The following ZC3H7A variants were observed in gnomAD, a reference collection of about 807,000 sequenced individuals.
ZC3H7A encodes zinc finger CCCH-type containing 7A, also known as zinc finger CCCH domain-containing protein 7A.
Under a neutral mutation model 125.5 loss-of-function variants are expected in ZC3H7A, and 44 were observed. The observed-to-expected ratio is 0.35, with a 90% CI of 0.28 to 0.45. ZC3H7A has a LOEUF of 0.45. ZC3H7A is among the 20% of genes least tolerant of loss of function. The pLI, the probability that ZC3H7A is intolerant of heterozygous loss-of-function variation, is 1.00. For synonymous variants in ZC3H7A, 399 were observed against 391.2 expected, an observed-to-expected ratio of 1.02 and a Z score of -0.23; for missense variants, 977 against 1,170.7, an observed-to-expected ratio of 0.83 and a Z score of 2.41.
chr16:11,766,079 C>T (rs544388720), intron 13 of ZC3H7A, among the ~76,000 whole-genome samples: 1 of 151,220 alleles, frequency 6.6e-6, no homozygotes, highest in South Asian at 2.1e-4. Flanking sequence ...TTGATTCTCT[C>T]ATGGACCACA....
rs112136911 is a variant in ZC3H7A, at chr16:11,768,145, T to C, written c.1360+170A>G. Among the ~76,000 whole-genome samples the C allele has an allele frequency of 2.6e-3, 392 of 152,338 alleles. 1 individual carries two copies. Among genetic ancestry groups the C allele is most frequent in the African/African-American group, 9.0e-3 (374 of 41,578 alleles). ...ATAAGAGCAGAGCCTTATCCTATTATACTCCAAAGGCACTAAATCAGTAAC... is the reference window on the plus strand; with the variant it reads ...ATAAGAGCAGAGCCTTATCCTATTACACTCCAAAGGCACTAAATCAGTAAC... On this transcript the variant is annotated intron_variant, in intron 12 of 22. Coordinates refer to ENST00000355758, the MANE Select transcript of ZC3H7A (RefSeq NM_014153.4).
At position 11,752,874 on chromosome 16, in the gene ZC3H7A, G is replaced by A. The variant is rs376449815; in HGVS notation, c.2563-42C>T. The stretch of plus-strand genomic sequence containing the variant: ...ACACATGTCCCATTAGTCACCTGAT[G>A]TGAGATCCAGACTCAATTCCAGGGA... On this transcript the variant is annotated intron_variant, in intron 21 of 22. Transcript: ENST00000355758. The A allele has an allele frequency of 2.2e-4, 349 of 1,589,512 alleles. 1 individual carries two copies. Among genetic ancestry groups the A allele is most frequent in the Non-Finnish European group, 2.9e-4 (343 of 1,169,506 alleles).
chr16:11,773,137 G>A lies in ZC3H7A; in HGVS notation c.903+1099C>T, dbSNP rs571191936. On this transcript the variant is annotated intron_variant, in intron 9 of 22. Coordinates refer to ENST00000355758, the MANE Select transcript of ZC3H7A (RefSeq NM_014153.4). ...AATGAATAGTCACTGATGTGTTCCAGTAAAACTTTACTTACGGACCCAGAA... is the reference window on the plus strand; with the variant it reads ...AATGAATAGTCACTGATGTGTTCCAATAAAACTTTACTTACGGACCCAGAA... Among the ~76,000 whole-genome samples the A allele has an allele frequency of 1.3e-3, 204 of 152,104 alleles. 2 individuals carry two copies. The highest frequency in any genetic ancestry group is 2.1e-3 in the Non-Finnish European group (142 of 68,032).
chr16:11,760,122 GAAAAAAAAAAAAA>G (rs66812605), intron 19 of ZC3H7A, among the ~76,000 whole-genome samples: 2 of 82,532 alleles, frequency 2.4e-5, no homozygotes, highest in African/African-American at 1.1e-4. Flanking sequence ...AAGAAAAAAT[GAAAAAAAAAAAAA>G]AAAAAAAAAA....
At chr16:11,782,425 C>G (rs1282077365) in intron 1 of ZC3H7A, 37 bp from the exon 2 acceptor site, 20 of 1,577,702 alleles carry the variant, frequency 1.3e-5, no homozygotes, top group Non-Finnish European at 7.0e-6. Context: ...CATAAGGTAC[C>G]AGGGTCCCTG....
intron 3 of ZC3H7A, among the ~76,000 whole-genome samples, chr16:11,780,560 C>G (rs550244374): frequency 1.3e-5 from 2 of 152,254 alleles, no homozygotes; most frequent in South Asian, 4.1e-4. Flanking sequence ...CTGGACGGAT[C>G]AACTATTAAC....
At position 11,785,439 on chromosome 16, in the gene ZC3H7A, A is replaced by G. The variant is rs895603460; in HGVS notation, c.-34-3051T>C. ...GAGGATGGCTTGAACCCATGAGGTCAGGGCTGTAGTGAGCTACGATTGTGC... is the reference window on the plus strand; with the variant it reads ...GAGGATGGCTTGAACCCATGAGGTCGGGGCTGTAGTGAGCTACGATTGTGC... On this transcript the variant is annotated intron_variant, in intron 1 of 22. Coordinates refer to ENST00000355758, the MANE Select transcript of ZC3H7A (RefSeq NM_014153.4). 8.6e-5 allele frequency among the ~76,000 whole-genome samples: 13 copies of G among 151,316 alleles called. 1 individual carries two copies. The East Asian group carries it at 2.3e-3, about 27-fold the overall frequency.
In ZC3H7A at chr16:11,765,814, G is replaced by C. The variant is rs536308291; in HGVS notation, c.1523-129C>G. On this transcript the variant is annotated intron_variant, in intron 13 of 22. Coordinates refer to ENST00000355758, the MANE Select transcript of ZC3H7A (RefSeq NM_014153.4). The surrounding 1 kb of genome is among the most constrained non-coding windows in gnomAD (Gnocchi z 4.8). Reference sequence around the variant, plus strand: ...CAAGGCTGCGGTGAGCAATGATCTTGCCACTGCACTCCAGCCTGGGCAACA... The same window carrying C: ...CAAGGCTGCGGTGAGCAATGATCTTCCCACTGCACTCCAGCCTGGGCAACA... 118 of 706,184 alleles carry C rather than the reference G, an allele frequency of 1.7e-4. No individual in the cohort carries two copies. The African/African-American group carries it at 1.9e-3, about 12-fold the overall frequency. 43.7% of individuals were successfully genotyped at this position (706,184 alleles called of 1,614,324 possible).
chr16:11,765,751 G>A lies in ZC3H7A; in HGVS notation c.1523-66C>T. ...ATTGGCCTGTACTCCCAGCTACTTGGGAGGCTGAGGTGGGAGGATCCCTTG... is the reference window on the plus strand; with the variant it reads ...ATTGGCCTGTACTCCCAGCTACTTGAGAGGCTGAGGTGGGAGGATCCCTTG... On this transcript the variant is annotated intron_variant, in intron 13 of 22. Transcript: ENST00000355758. The surrounding 1 kb of genome is among the most constrained non-coding windows in gnomAD (Gnocchi z 4.8). The A allele has an allele frequency of 6.7e-7, 1 of 1,498,138 alleles. No individual in the cohort carries two copies. Among genetic ancestry groups the A allele is most frequent in the South Asian group, 1.3e-5 (1 of 76,748 alleles). The allele number at this position is 1,498,138 out of a possible 1,614,324, so 92.8% of individuals were successfully genotyped here. A position where few individuals can be genotyped will look rare whatever the true frequency, so the allele number is the denominator to read the frequency against.
intron 10 of ZC3H7A, among the ~76,000 whole-genome samples, chr16:11,769,779 G>T (rs1167568131): frequency 4.7e-5 from 3 of 63,518 alleles, no homozygotes; most frequent in African/African-American, 2.4e-4. Context: ...GTTTTCAATT[G>T]CTTTCTTTTT....
At chr16:11,752,108 G>T (rs1039011807) in intron 22 of ZC3H7A, among the ~76,000 whole-genome samples, 2 of 151,794 alleles carry the variant, frequency 1.3e-5, no homozygotes, top group African/African-American at 4.8e-5. Context: ...GTTTCACCAT[G>T]TTGTCCAGGC....
At position 11,774,570 on chromosome 16, in the gene ZC3H7A, T is replaced by A. The variant is rs772531646; in HGVS notation, c.620-51A>T. 43 of 1,461,400 alleles carry A rather than the reference T, an allele frequency of 2.9e-5. No homozygotes were observed. The Middle Eastern group carries it at 1.8e-3, about 62-fold the overall frequency. 90.5% of individuals were successfully genotyped at this position (1,461,400 alleles called of 1,614,324 possible). ...AGTCACTTTCATCGTACTTACATAA[T>A]AATACCATTAATCCCCAATAATAGA... On this transcript the variant is annotated intron_variant, in intron 8 of 22. Transcript: ENST00000355758.
chr16:11,795,137 T>C (rs905343979), intron 1 of ZC3H7A, among the ~76,000 whole-genome samples: 1 of 151,986 alleles, frequency 6.6e-6, no homozygotes, highest in African/African-American at 2.4e-5. Context: ...ATAGGGAAAA[T>C]TTTTCAACAG....
intron 1 of ZC3H7A, among the ~76,000 whole-genome samples, chr16:11,787,279 G>A (rs1250983368): frequency 2.0e-5 from 3 of 152,022 alleles, no homozygotes; most frequent in Non-Finnish European, 4.4e-5. Flanking sequence ...ACCCAACCTG[G>A]GCAACAGAAC....
intron 20 of ZC3H7A, among the ~76,000 whole-genome samples, chr16:11,756,880 G>A (rs1241718837): frequency 6.6e-6 from 1 of 152,164 alleles, no homozygotes; most frequent in East Asian, 1.9e-4. Flanking sequence ...AGTCCCAGAG[G>A]GCGGATATGC....
At chr16:11,762,631 A>G in intron 17 of ZC3H7A, 40 bp downstream of exon 17, 1 of 1,595,436 alleles carries the variant, frequency 6.3e-7, no homozygotes, top group South Asian at 1.1e-5. Context: ...GCAATTCCAG[A>G]AAGGACACCA....
intron 5 of ZC3H7A, 31 bp downstream of exon 5, chr16:11,776,720 G>T (rs201347331): frequency 2.5e-6 from 4 of 1,572,648 alleles, no homozygotes; most frequent in Non-Finnish European, 3.4e-6. Context: ...AAATGGTTAC[G>T]ATGTAAACAA....
intron 16 of ZC3H7A, chr16:11,763,268 C>G (rs538183524): frequency 2.9e-5 from 11 of 381,342 alleles, no homozygotes; most frequent in African/African-American, 2.1e-4. Flanking sequence ...CCACCACGCC[C>G]GATTAATTTT....
At chr16:11,778,607 C>A (rs1037630683) in intron 4 of ZC3H7A, among the ~76,000 whole-genome samples, 2 of 152,146 alleles carry the variant, frequency 1.3e-5, no homozygotes, top group African/African-American at 4.8e-5. Flanking sequence ...TAAGCAGACA[C>A]ACCTTCAAAA....
Sources: gnomAD v4.1 joint callset for allele counts (sites outside exome capture counted in the v4.1 genomes callset) on GRCh38, gnomAD v4.1.1 for gene constraint, Gnocchi (gnomAD v3.1) non-coding constraint, MANE v1.5 for transcripts, NCBI Gene and HGNC (gene_info 2026-07-23, HGNC 2026-07-21) for gene names.